FMN1: variants seen among roughly 807,000 people sequenced by gnomAD.
FMN1 encodes the protein formin 1.
Under a neutral mutation model 132.4 loss-of-function variants are expected in FMN1, and 110 were observed. The ratio of observed to expected loss-of-function variants is 0.83; its 90% CI spans 0.71 to 0.97. The LOEUF is 0.97. Among genes scored for constraint, FMN1 ranks in the 50% least tolerant of loss-of-function variants. FMN1 has a pLI of 0.00. For missense variants in FMN1, 1,792 were observed against 1,705.3 expected (o/e 1.05, Z -0.90); for synonymous variants, 722 against 651.7 (o/e 1.11, Z -1.64).
intron 6 of FMN1, among the ~76,000 whole-genome samples, chr15:33,057,315 A>G (rs1286350201): frequency 3.3e-5 from 5 of 152,226 alleles, no homozygotes; most frequent in African/African-American, 2.4e-5. Context: ...TTATTGATCT[A>G]CATAGTGGTT....
At chr15:32,856,617 C>T (rs1221656072) in intron 17 of FMN1, among the ~76,000 whole-genome samples, 1 of 152,146 alleles carries the variant, frequency 6.6e-6, no homozygotes, top group Non-Finnish European at 1.5e-5. Flanking sequence ...CTCATAAAAC[C>T]AGGAGGGTGA....
rs888734083 is a variant in FMN1 at position 33,126,332 on chromosome 15, G to A, written c.1867+26716C>T. On this transcript the variant is annotated intron_variant, in intron 4 of 20. Transcript: ENST00000616417. ...GGATGGGCAACAGTCTAATAGAGAGGAGGCAGAAGGTCACTGTGGGCAGGC... is the reference window on the plus strand; with the variant it reads ...GGATGGGCAACAGTCTAATAGAGAGAAGGCAGAAGGTCACTGTGGGCAGGC... Among the ~76,000 whole-genome samples the A allele has an allele frequency of 3.9e-5, 6 of 152,304 alleles. No individual in the cohort carries two copies. The East Asian group carries it at 5.8e-4, about 15-fold the overall frequency.
chr15:32,905,097 A>C (rs1291195041), intron 12 of FMN1, among the ~76,000 whole-genome samples: 3 of 152,196 alleles, frequency 2.0e-5, no homozygotes, highest in Non-Finnish European at 2.9e-5. Flanking sequence ...TCTTTCTCCA[A>C]TGTAGGCTAA....
intron 17 of FMN1, among the ~76,000 whole-genome samples, chr15:32,834,294 CT>C (rs1162302166): frequency 2.6e-5 from 4 of 152,186 alleles, no homozygotes; most frequent in African/African-American, 9.7e-5. Context: ...AACTGCCTAG[CT>C]CATCTTAGTC....
At chr15:33,025,402 C>T (rs345864) in intron 6 of FMN1, among the ~76,000 whole-genome samples, 60,084 of 151,896 alleles carry the variant, frequency 0.4, 12,227 homozygotes, top group Admixed American at 0.48. Flanking sequence ...CAAAATATAT[C>T]ACTGACATAT....
chr15:33,064,901 A>G (rs764508341), intron 6 of FMN1, 56 bp downstream of exon 6: 15 of 1,227,842 alleles, frequency 1.2e-5, no homozygotes, highest in South Asian at 1.2e-4. Context: ...AGCTAGAACT[A>G]AAAGCCATTG....
chr15:32,873,583 G>A lies in FMN1; in HGVS notation c.3835+14589C>T, dbSNP rs187423618. On this transcript the variant is annotated intron_variant, in intron 16 of 20. Transcript: ENST00000616417. Reference sequence around the variant, plus strand: ...GGAGCCTTTAACAGGAGGCTATTACGTGGTTATACGTAAAGTGAGTGTGTG... The same window carrying A: ...GGAGCCTTTAACAGGAGGCTATTACATGGTTATACGTAAAGTGAGTGTGTG... Among the ~76,000 whole-genome samples the A allele has an allele frequency of 9.2e-5, 14 of 152,242 alleles. No homozygotes were observed. In the East Asian group the frequency reaches 1.5e-3, roughly 17 times the overall value.
intron 6 of FMN1, among the ~76,000 whole-genome samples, chr15:33,057,415 TAAAA>T (rs1566874286): frequency 6.6e-6 from 1 of 152,152 alleles, no homozygotes; most frequent in Non-Finnish European, 1.5e-5. Flanking sequence ...AAAACTGGTT[TAAAA>T]AAAGAAAGTC....
At chr15:33,125,240 G>A (rs564335532) in intron 4 of FMN1, among the ~76,000 whole-genome samples, 16 of 152,284 alleles carry the variant, frequency 1.1e-4, no homozygotes, top group African/African-American at 2.9e-4. Context: ...TAAAATGGAG[G>A]AAATAACCTC....
chr15:32,807,969 A>G (rs962106956), intron 17 of FMN1, among the ~76,000 whole-genome samples: 11 of 152,200 alleles, frequency 7.2e-5, no homozygotes, highest in Non-Finnish European at 1.6e-4. Flanking sequence ...ACACATTTTA[A>G]GTCTTCAAGA....
chr15:33,122,785 T>A (rs1429112473), intron 4 of FMN1, among the ~76,000 whole-genome samples: 3 of 152,228 alleles, frequency 2.0e-5, no homozygotes, highest in African/African-American at 7.2e-5. Flanking sequence ...ATTGCTGCCA[T>A]TATTCTGTTA....
chr15:32,855,157 T>TTAAAA (rs1567276087), intron 17 of FMN1, among the ~76,000 whole-genome samples: 4 of 85,544 alleles, frequency 4.7e-5, no homozygotes, highest in African/African-American at 1.6e-4. Flanking sequence ...ACGTGGAGAG[T>TTAAAA]AAAAAAAAAA....
chr15:33,085,349 G>GGA (rs1840831698), intron 5 of FMN1, among the ~76,000 whole-genome samples: 2 of 151,960 alleles, frequency 1.3e-5, no homozygotes, highest in Non-Finnish European at 2.9e-5. Context: ...TCCAAAGAGG[G>GGA]GAGAAGGGCT....
intron 6 of FMN1, among the ~76,000 whole-genome samples, chr15:33,021,709 G>A (rs948513134): frequency 3.3e-5 from 5 of 152,252 alleles, no homozygotes; most frequent in African/African-American, 9.6e-5. Context: ...CTGTCATTAA[G>A]TCCAATTCTA....
At chr15:32,819,889 G>A (rs2058163404) in intron 17 of FMN1, among the ~76,000 whole-genome samples, 1 of 152,128 alleles carries the variant, frequency 6.6e-6, no homozygotes, top group Non-Finnish European at 1.5e-5. Context: ...AATTAAAAAT[G>A]TAAATGTATT....
intron 6 of FMN1, among the ~76,000 whole-genome samples, chr15:33,017,781 T>C (rs938861067): frequency 6.6e-6 from 1 of 152,234 alleles, no homozygotes; most frequent in African/African-American, 2.4e-5. Flanking sequence ...ATCCATATGA[T>C]GGGCTGGGTG....
chr15:33,169,689 G>A (rs961976333), intron 3 of FMN1, among the ~76,000 whole-genome samples: 7 of 149,782 alleles, frequency 4.7e-5, no homozygotes, highest in East Asian at 1.9e-4. Context: ...ATGAGAAGGC[G>A]CTGGGCCCGG....
chr15:33,105,150 C>T (rs1240275351), intron 4 of FMN1, among the ~76,000 whole-genome samples: 1 of 151,994 alleles, frequency 6.6e-6, no homozygotes, highest in Non-Finnish European at 1.5e-5. Context: ...TTTCCCCTGG[C>T]TGTAATGATT....
At chr15:32,984,064 CATT>C (rs2032890611) in intron 7 of FMN1, among the ~76,000 whole-genome samples, 1 of 152,110 alleles carries the variant, frequency 6.6e-6, no homozygotes, top group Admixed American at 6.6e-5. Flanking sequence ...TTTTCTACCG[CATT>C]ATACTTATGA....
Sources: gnomAD v4.1 joint callset for allele counts (sites outside exome capture counted in the v4.1 genomes callset) on GRCh38, gnomAD v4.1.1 for gene constraint, MANE v1.5 for transcripts, NCBI Gene and HGNC (gene_info 2026-07-23, HGNC 2026-07-21) for gene names.